Variants in ALPK3 observed in about 807,000 individuals in gnomAD.
ALPK3 encodes the protein alpha-protein kinase 3.
In ALPK3, 102 loss-of-function variants were observed where a neutral mutation model predicts 140.0. The ratio of observed to expected loss-of-function variants is 0.73; its 90% CI spans 0.62 to 0.86. The LOEUF is 0.86. ALPK3 is among the 40% of genes least tolerant of loss of function. The pLI is 0.00. For missense variants in ALPK3, 2,254 were observed against 2,208.2 expected, an observed-to-expected ratio of 1.02 and a Z score of -0.42; for synonymous variants, 938 against 898.5, an observed-to-expected ratio of 1.04 and a Z score of -0.79.
chr15:84,833,469 C>CGG (rs1292381592), intron 3 of ALPK3, among the ~76,000 whole-genome samples: 2 of 152,174 alleles, frequency 1.3e-5, no homozygotes, highest in African/African-American at 4.8e-5. Context: ...GGGTTAGACA[C>CGG]GGGAGCTCTC....
At position 84,861,854 on chromosome 15, in the gene ALPK3, C is replaced by CT. The variant is rs1023758291; in HGVS notation, c.4130-773dup. Among the ~76,000 whole-genome samples, 19 of 152,018 alleles carry CT rather than the reference C, an allele frequency of 1.2e-4. 1 individual carries two copies. In the East Asian group the frequency reaches 1.4e-3, roughly 11 times the overall value. On this transcript the variant is annotated intron_variant, in intron 9 of 13. Transcript: ENST00000258888. The stretch of plus-strand genomic sequence containing the variant: ...ATTTTTTGAGGGAGGAGATTGGATT[C>CT]TTTTTTTTGTTGTTGCAACTATGAA...
In ALPK3 at chr15:84,869,114, C is replaced by G. The variant is rs115583978; in HGVS notation, c.*658C>G. 6.5e-6 allele frequency: 1 copy of G among 154,076 alleles called. No individual in the cohort carries two copies. The highest frequency in any genetic ancestry group is 2.4e-5 in the African/African-American group (1 of 41,476). 9.5% of individuals were successfully genotyped at this position (154,076 alleles called of 1,614,324 possible). A position where few individuals can be genotyped will look rare whatever the true frequency, so the allele number is the denominator to read the frequency against. ...CGCTCTTCCCCCTTCACTCACTCGCCTGCTTCCCATGCTCCCTTGTACCCC... is the reference window on the plus strand; with the variant it reads ...CGCTCTTCCCCCTTCACTCACTCGCGTGCTTCCCATGCTCCCTTGTACCCC... On this transcript the variant is annotated 3_prime_UTR_variant, in exon 14 of 14. Transcript: ENST00000258888.
In ALPK3 at chr15:84,856,973, G is replaced by A. The variant is rs371325039; in HGVS notation, c.2235G>A (p.Ala745=). Reference sequence around the variant, plus strand: ...GAACCCCCAAACTCCCACCTACAGCGGGTCCTAGAGCTCCTCTGAATATTG... The same window carrying A: ...GAACCCCCAAACTCCCACCTACAGCAGGTCCTAGAGCTCCTCTGAATATTG... ...PSRTPKLPPT[A]GPRAPLNIEC... is the part of the protein sequence containing the mutation. Residue 745 remains alanine (A), a synonymous_variant, in exon 6 of 14, where the codon GCG becomes GCA. Coordinates refer to ENST00000258888, the MANE Select transcript of ALPK3 (RefSeq NM_020778.5). 1.2e-5 allele frequency: 20 copies of A among 1,614,046 alleles called. No homozygotes were observed. Among genetic ancestry groups the A allele is most frequent in the Admixed American group, 5.0e-5 (3 of 60,010 alleles).
At chr15:84,862,948 T>G in intron 10 of ALPK3, 33 bp downstream of exon 10, 1 of 1,597,532 alleles carries the variant, frequency 6.3e-7, no homozygotes, top group Non-Finnish European at 8.6e-7. Flanking sequence ...CCCATTCTTT[T>G]ATTCTCTCAC....
intron 9 of ALPK3, among the ~76,000 whole-genome samples, chr15:84,860,893 T>A (rs751866179): frequency 2.0e-5 from 3 of 152,242 alleles, no homozygotes; most frequent in Non-Finnish European, 2.9e-5. Context: ...CAGCTCGTTT[T>A]TGTATTTTTA....
chr15:84,861,799 A>G (rs1368246001), intron 9 of ALPK3, among the ~76,000 whole-genome samples: 3 of 136,130 alleles, frequency 2.2e-5, no homozygotes, highest in Non-Finnish European at 3.2e-5. Context: ...GCCCTACCCT[A>G]CCGTTTTCCA....
At position 84,857,842 on chromosome 15, in the gene ALPK3, G is replaced by T; in HGVS notation, c.3104G>T (p.Cys1035Phe). 6.2e-7 allele frequency: 1 copy of T among 1,611,838 alleles called. No individual in the cohort carries two copies. Among genetic ancestry groups the T allele is most frequent in the Non-Finnish European group, 8.5e-7 (1 of 1,178,898 alleles). The change falls in exon 6 of 14, where the codon TGT becomes TTT. Residue 1035 changes from cysteine (C) to phenylalanine (F), a missense_variant. Coordinates refer to ENST00000258888, the MANE Select transcript of ALPK3 (RefSeq NM_020778.5). ...GCACAGACCCTGCTGCTGAGCCCCTGTACCTCCCGCCGCCTCACCGGCCTC... is the reference window on the plus strand; with the variant it reads ...GCACAGACCCTGCTGCTGAGCCCCTTTACCTCCCGCCGCCTCACCGGCCTC... ...QSAQTLLLSP[C>F]TSRRLTGLLD... is the part of the protein sequence containing the mutation.
rs1964087004 is a variant in ALPK3 at position 84,872,627 on chromosome 15, A to G, written c.*4171A>G. 6.6e-6 allele frequency: 1 copy of G among 152,192 alleles called. No individual in the cohort carries two copies. Among genetic ancestry groups the G allele is most frequent in the South Asian group, 2.1e-4 (1 of 4,834 alleles). 9.4% of individuals were successfully genotyped at this position (152,192 alleles called of 1,614,324 possible). On this transcript the variant is annotated 3_prime_UTR_variant, in exon 14 of 14. Coordinates refer to ENST00000258888, the MANE Select transcript of ALPK3 (RefSeq NM_020778.5). ...TGTGAAGGAAACATTCTGACCTCAAACAGATCCCTCAACCCCAGAACTTTA... is the reference window on the plus strand; with the variant it reads ...TGTGAAGGAAACATTCTGACCTCAAGCAGATCCCTCAACCCCAGAACTTTA...
intron 10 of ALPK3, among the ~76,000 whole-genome samples, chr15:84,863,165 C>T (rs1427464425): frequency 6.6e-6 from 1 of 152,084 alleles, no homozygotes; most frequent in Non-Finnish European, 1.5e-5. Flanking sequence ...CAGCAGAAAC[C>T]TTCCCCCTGC....
chr15:84,818,699 A>G (rs555591824), intron 1 of ALPK3, among the ~76,000 whole-genome samples: 5 of 152,194 alleles, frequency 3.3e-5, no homozygotes, highest in Non-Finnish European at 7.4e-5. Flanking sequence ...GGAGTTGGGA[A>G]AGTTCAAATG....
At position 84,871,697 on chromosome 15, in the gene ALPK3, T is replaced by G. The variant is rs1391053791; in HGVS notation, c.*3241T>G. On this transcript the variant is annotated 3_prime_UTR_variant, in exon 14 of 14. Coordinates refer to ENST00000258888, the MANE Select transcript of ALPK3 (RefSeq NM_020778.5). The stretch of plus-strand genomic sequence containing the variant: ...CTGACCCAGCCTCTCGGGGTGTTGT[T>G]TCTGGTGCCATAGTTGAATTTTCAA... 6.6e-6 allele frequency: 1 copy of G among 152,232 alleles called. No homozygotes were observed. Among genetic ancestry groups the G allele is most frequent in the African/African-American group, 2.4e-5 (1 of 41,458 alleles). The allele number at this position is 152,232 out of a possible 1,614,324, so 9.4% of individuals were successfully genotyped here. A position where few individuals can be genotyped will look rare whatever the true frequency, so the allele number is the denominator to read the frequency against.
chr15:84,855,999 G>A (rs989665048), intron 5 of ALPK3, among the ~76,000 whole-genome samples: 1 of 152,182 alleles, frequency 6.6e-6, no homozygotes, highest in Non-Finnish European at 1.5e-5. Flanking sequence ...GGCAATTAGT[G>A]CCACAGGAGA....
At position 84,840,597 on chromosome 15, in the gene ALPK3, C is replaced by T. The variant is rs558339788; in HGVS notation, c.1318C>T (p.Arg440Trp). Residue 440 changes from arginine to tryptophan, a missense_variant, in exon 5 of 14, where the codon CGG (arginine) becomes TGG (tryptophan). Physicochemically the swap from Arg to Trp is moderately radical, Grantham distance 101. Coordinates refer to ENST00000258888, the MANE Select transcript of ALPK3 (RefSeq NM_020778.5). ...GEEGPQTLSV[R>W]APGESPKGKA... ...AGAGGGACCCCAGACCCTGAGTGTC[C>T]GGGCGCCTGGGGAGAGTCCCAAGGG... 4.5e-6 allele frequency: 7 copies of T among 1,564,428 alleles called. No individual in the cohort carries two copies. Among genetic ancestry groups the T allele is most frequent in the South Asian group, 2.4e-5 (2 of 81,736 alleles).
In ALPK3 at chr15:84,859,499, C is replaced by T; in HGVS notation, c.3965+109C>T. 4 of 1,417,282 alleles carry T rather than the reference C, an allele frequency of 2.8e-6. No individual in the cohort carries two copies. In the South Asian group the frequency reaches 5.7e-5, roughly 20 times the overall value. The allele number at this position is 1,417,282 out of a possible 1,614,324, so 87.8% of individuals were successfully genotyped here. On this transcript the variant is annotated intron_variant, in intron 7 of 13. Coordinates refer to ENST00000258888, the MANE Select transcript of ALPK3 (RefSeq NM_020778.5). ...ATCGCCTCATTAATCCTCACAATAACCAGGGGAGGTCCTTTTATTCCCATA... is the reference window on the plus strand; with the variant it reads ...ATCGCCTCATTAATCCTCACAATAATCAGGGGAGGTCCTTTTATTCCCATA...
At chr15:84,823,467 T>G in intron 2 of ALPK3, 99 bp downstream of exon 2, 4 of 1,345,526 alleles carry the variant, frequency 3.0e-6, no homozygotes, top group Non-Finnish European at 4.2e-6. Flanking sequence ...CCAGGCTGCA[T>G]GGGGTGAGGG....
intron 3 of ALPK3, 107 bp downstream of exon 3, chr15:84,827,712 T>C: frequency 6.9e-7 from 1 of 1,443,968 alleles, no homozygotes; most frequent in Admixed American, 2.0e-5. Flanking sequence ...TGCACAAAAC[T>C]ACGTGAGGTG....
At chr15:84,832,898 G>A (rs898987200) in intron 3 of ALPK3, among the ~76,000 whole-genome samples, 9 of 152,140 alleles carry the variant, frequency 5.9e-5, no homozygotes, top group African/African-American at 2.2e-4. Flanking sequence ...TTTCCATTCT[G>A]TTCTTTGTAG....
At chr15:84,846,740 T>C (rs749379551) in intron 5 of ALPK3, among the ~76,000 whole-genome samples, 1 of 152,096 alleles carries the variant, frequency 6.6e-6, no homozygotes, top group African/African-American at 2.4e-5. Flanking sequence ...CAAATATCAA[T>C]TTTATTCATT....
chr15:84,836,792 C>T (rs186981725), intron 3 of ALPK3, among the ~76,000 whole-genome samples: 3 of 152,164 alleles, frequency 2.0e-5, no homozygotes, highest in Admixed American at 1.3e-4. Flanking sequence ...TATTTGAAAG[C>T]CACAGGACAG....
Sources: allele counts gnomAD v4.1 joint callset (sites outside exome capture counted in the v4.1 genomes callset), GRCh38; gene constraint gnomAD v4.1.1; transcripts MANE v1.5; gene names NCBI Gene and HGNC (gene_info 2026-07-23, HGNC 2026-07-21).